Variants in EFNB2 observed in about 807,000 individuals in gnomAD.
EFNB2 encodes the protein ephrin B2.
A neutral mutation model predicts 32.1 loss-of-function variants in EFNB2; 5 were observed. The ratio of observed to expected loss-of-function variants is 0.16; its 90% CI spans 0.08 to 0.33. EFNB2 has a LOEUF of 0.33. Ranked by LOEUF, EFNB2 falls within the 10% of genes least tolerant of loss-of-function variation. EFNB2 has a pLI of 1.00. For missense variants in EFNB2, 263 were observed against 422.6 expected, an observed-to-expected ratio of 0.62 and a Z score of 3.31; for synonymous variants, 168 against 166.5, an observed-to-expected ratio of 1.01 and a Z score of -0.07.
intron 2 of EFNB2, among the ~76,000 whole-genome samples, chr13:106,499,708 T>C (rs1878708449): frequency 6.6e-6 from 1 of 152,150 alleles, no homozygotes; most frequent in Non-Finnish European, 1.5e-5. Context: ...TTTTTTCCCT[T>C]GGCTCAGGAA....
intron 1 of EFNB2, among the ~76,000 whole-genome samples, chr13:106,526,325 G>T (rs904735070): frequency 6.6e-6 from 1 of 152,202 alleles, no homozygotes; most frequent in Admixed American, 6.5e-5. Context: ...CTGGATAGAA[G>T]TAGGGACTGA....
rs1314861923 is a variant in EFNB2, at chr13:106,535,627, C to T, written c.-663G>A. The T allele has an allele frequency of 1.3e-5, 2 of 150,516 alleles. No individual in the cohort carries two copies. The highest frequency in any genetic ancestry group is 3.0e-5 in the Non-Finnish European group (2 of 67,504). The allele number at this position is 150,516 out of a possible 1,614,324, so 9.3% of individuals were successfully genotyped here. A position where few individuals can be genotyped will look rare whatever the true frequency, so the allele number is the denominator to read the frequency against. On this transcript the variant is annotated 5_prime_UTR_variant, in exon 1 of 5. Transcript: ENST00000646441. ...CCGCTGCGTGCGCAGCTCCTCGCTC[C>T]GGCCGGCGCCGCGGTCCCCGCCGAG...
chr13:106,533,138 G>T (rs1879937052), intron 1 of EFNB2, among the ~76,000 whole-genome samples: 1 of 151,694 alleles, frequency 6.6e-6, no homozygotes, highest in South Asian at 2.1e-4. Context: ...ACCGGTCAGT[G>T]AAAGTGCAGA....
At chr13:106,521,191 T>G (rs531610821) in intron 1 of EFNB2, 31 of 123,116 alleles carry the variant, frequency 2.5e-4, no homozygotes, top group Non-Finnish European at 3.6e-4. Context: ...TTGGAACCAT[T>G]AAAGTGTTAT....
At chr13:106,521,065 T>C (rs903838203) in intron 1 of EFNB2, 2 of 152,174 alleles carry the variant, frequency 1.3e-5, no homozygotes, top group East Asian at 1.9e-4. Context: ...GTTGGAACAA[T>C]TGCGTGTTTT....
rs754785223 is a variant in EFNB2 at position 106,493,448 on chromosome 13, A to G, written c.614-20T>C. ...TAGAACCTGCAGACGCGGAGACAGA[A>G]AAGGTCAGAGATAGTTACTGCTGTC... is the stretch of plus-strand genomic sequence containing the variant. On this transcript the variant is annotated intron_variant, in intron 4 of 4. Transcript: ENST00000646441. The surrounding 1 kb of genome is among the most constrained non-coding windows in gnomAD (Gnocchi z 6.1). 1 of 1,594,412 alleles carries G rather than the reference A, an allele frequency of 6.3e-7. No homozygotes were observed. Among genetic ancestry groups the G allele is most frequent in the East Asian group, 2.2e-5 (1 of 44,658 alleles).
intron 1 of EFNB2, among the ~76,000 whole-genome samples, chr13:106,534,297 GCGCGGTGCCAAGGCGCCCCGGCTC>G (rs1840201474): frequency 6.6e-6 from 1 of 152,150 alleles, no homozygotes; most frequent in African/African-American, 2.4e-5. Context: ...CGGGCTGGCG[GCGCGGTGCCAAGGCGCCCCGGCTC>G]CAGGGCTCTG....
chr13:106,500,617 C>T (rs1214269204), intron 2 of EFNB2, among the ~76,000 whole-genome samples: 1 of 152,152 alleles, frequency 6.6e-6, no homozygotes, highest in East Asian at 1.9e-4. Context: ...AAACGTTGCC[C>T]TTACATACAG....
At chr13:106,510,868 G>A (rs1466495607) in intron 2 of EFNB2, among the ~76,000 whole-genome samples, 3 of 151,986 alleles carry the variant, frequency 2.0e-5, no homozygotes, top group Non-Finnish European at 2.9e-5. Context: ...AAAAATTAGC[G>A]CACACCTGTA....
intron 1 of EFNB2, among the ~76,000 whole-genome samples, chr13:106,528,321 T>C (rs1204475535): frequency 6.6e-6 from 1 of 152,024 alleles, no homozygotes; most frequent in African/African-American, 2.4e-5. Flanking sequence ...ACAAGGGCAA[T>C]GTATCTACAG....
intron 1 of EFNB2, among the ~76,000 whole-genome samples, chr13:106,515,666 C>T (rs1383501332): frequency 6.6e-6 from 1 of 152,046 alleles, no homozygotes; most frequent in Non-Finnish European, 1.5e-5. Context: ...ACTTTTTAAG[C>T]GTATATATAA....
chr13:106,501,142 A>G (rs2138906885), intron 2 of EFNB2, among the ~76,000 whole-genome samples: 1 of 152,328 alleles, frequency 6.6e-6, no homozygotes, highest in Middle Eastern at 3.4e-3. Flanking sequence ...ACTCAAATTA[A>G]TGTAGTTGAA....
chr13:106,519,022 G>C (rs894146406), intron 1 of EFNB2: 1 of 152,146 alleles, frequency 6.6e-6, no homozygotes, highest in Non-Finnish European at 1.5e-5. Flanking sequence ...ACCATGGAAG[G>C]ATATGCCAAA....
At chr13:106,525,649 C>T (rs1879675114) in intron 1 of EFNB2, among the ~76,000 whole-genome samples, 1 of 152,172 alleles carries the variant, frequency 6.6e-6, no homozygotes, top group Non-Finnish European at 1.5e-5. Context: ...AGCTCCTCCT[C>T]CCTAGGCTGT....
At chr13:106,503,903 T>C (rs949845265) in intron 2 of EFNB2, among the ~76,000 whole-genome samples, 3 of 152,162 alleles carry the variant, frequency 2.0e-5, no homozygotes, top group African/African-American at 7.2e-5. Flanking sequence ...AAAAGAATAA[T>C]GTAAGAGTTC....
intron 4 of EFNB2, among the ~76,000 whole-genome samples, chr13:106,494,642 C>T (rs1375711887): frequency 6.6e-6 from 1 of 152,330 alleles, no homozygotes; most frequent in African/African-American, 2.4e-5. Context: ...GTTCTAATAA[C>T]TGGCACTTAC....
intron 1 of EFNB2, among the ~76,000 whole-genome samples, chr13:106,534,402 C>A (rs1879986240): frequency 6.6e-6 from 1 of 152,170 alleles, no homozygotes; most frequent in South Asian, 2.1e-4. Context: ...CCACCCCGGT[C>A]GCCCGCCCGC....
At chr13:106,533,010 A>G (rs1407379588) in intron 1 of EFNB2, among the ~76,000 whole-genome samples, 1 of 152,212 alleles carries the variant, frequency 6.6e-6, no homozygotes, top group Admixed American at 6.5e-5. Context: ...AATATAGCGC[A>G]AAGATAAAGA....
At chr13:106,513,769 A>C (rs2138922942) in intron 1 of EFNB2, among the ~76,000 whole-genome samples, 1 of 152,056 alleles carries the variant, frequency 6.6e-6, no homozygotes, top group Non-Finnish European at 1.5e-5. Context: ...GCTCGTTCGT[A>C]AGCAGCCAAG....
Sources: gnomAD v4.1 joint callset for allele counts (sites outside exome capture counted in the v4.1 genomes callset) on GRCh38, gnomAD v4.1.1 for gene constraint, Gnocchi (gnomAD v3.1) non-coding constraint, MANE v1.5 for transcripts, NCBI Gene and HGNC (gene_info 2026-07-23, HGNC 2026-07-21) for gene names.